Variants in NWD2 observed in about 807,000 individuals in gnomAD.
The protein encoded by NWD2 is NACHT and WD repeat domain containing 2.
In NWD2, 37 loss-of-function variants were observed where a neutral mutation model predicts 132.7. The ratio of observed to expected loss-of-function variants is 0.28; its 90% CI spans 0.21 to 0.37. The LOEUF is 0.37. Among genes scored for constraint, NWD2 ranks in the 10% least tolerant of loss-of-function variants. The pLI is 1.00. For synonymous variants in NWD2, 705 were observed against 803.0 expected (o/e 0.88, Z 2.06); for missense variants, 1,592 against 2,122.4 (o/e 0.75, Z 4.91).
intron 2 of NWD2, among the ~76,000 whole-genome samples, chr4:37,354,718 T>C (rs1353629224): frequency 1.3e-5 from 2 of 152,158 alleles, no homozygotes; most frequent in Non-Finnish European, 1.5e-5. Flanking sequence ...GGAACATCCT[T>C]CCCAAGGGTG....
intron 3 of NWD2, among the ~76,000 whole-genome samples, chr4:37,371,852 A>G (rs1035730462): frequency 6.6e-6 from 1 of 152,236 alleles, no homozygotes; most frequent in Non-Finnish European, 1.5e-5. Flanking sequence ...TGAACTTTAC[A>G]ATGGCAAACT....
intron 3 of NWD2, among the ~76,000 whole-genome samples, chr4:37,397,143 G>A (rs1214156316): frequency 6.6e-6 from 1 of 152,152 alleles, no homozygotes; most frequent in Non-Finnish European, 1.5e-5. Context: ...AGCATCTCAG[G>A]AATAGGGTGG....
At chr4:37,306,838 TGGGGAAACCCTGTCTCTACTA>T in intron 1 of NWD2, among the ~76,000 whole-genome samples, 1 of 152,138 alleles carries the variant, frequency 6.6e-6, no homozygotes, top group East Asian at 1.9e-4. Flanking sequence ...CTAGCTCACA[TGGGGAAACCCTGTCTCTACTA>T]AAAAAATACA....
rs771676203 is a variant in NWD2 at position 37,439,109 on chromosome 4, A to G, written c.1015A>G (p.Ile339Val). The G allele has an allele frequency of 1.9e-6, 3 of 1,551,932 alleles. No homozygotes were observed. The highest frequency in any genetic ancestry group is 2.6e-6 in the Non-Finnish European group (3 of 1,147,024). Reference protein sequence around the residue: ...GYSQEIENHYIEGLGKQFYED... With the variant: ...GYSQEIENHYVEGLGKQFYED... The stretch of plus-strand genomic sequence containing the variant: ...CTCCCAAGAAATAGAAAATCATTAC[A>G]TCGAAGGACTTGGTAAACAATTTTA... Residue 339 changes from isoleucine to valine, a missense_variant, in exon 6 of 7, where the codon ATC (isoleucine) becomes GTC (valine). Around this residue, in one of 7 missense-constraint regions of NWD2, gnomAD observed 1,071 missense variants for 1,398.0 expected, o/e 0.77. Transcript: ENST00000309447. The surrounding 1 kb of genome is among the most constrained non-coding windows in gnomAD (Gnocchi z 4.5).
intron 3 of NWD2, among the ~76,000 whole-genome samples, chr4:37,393,429 T>G (rs1015050418): frequency 6.6e-6 from 1 of 152,194 alleles, no homozygotes; most frequent in African/African-American, 2.4e-5. Context: ...CTATGTGTTG[T>G]CATGAGAAGA....
intron 2 of NWD2, among the ~76,000 whole-genome samples, chr4:37,334,993 A>T (rs1430579842): frequency 6.6e-6 from 1 of 151,624 alleles, no homozygotes; most frequent in Non-Finnish European, 1.5e-5. Flanking sequence ...CATTTCCTTC[A>T]TCTCTGCCTT....
At chr4:37,387,823 C>T (rs529502291) in intron 3 of NWD2, among the ~76,000 whole-genome samples, 6 of 151,876 alleles carry the variant, frequency 4.0e-5, no homozygotes, top group South Asian at 2.1e-4. Flanking sequence ...TACAGGCACC[C>T]GCCATCATGC....
In NWD2 at chr4:37,445,376, G is replaced by A; in HGVS notation, c.3388G>A (p.Gly1130Arg). The A allele has an allele frequency of 6.4e-7, 1 of 1,552,172 alleles. No individual in the cohort carries two copies. The highest frequency in any genetic ancestry group is 1.4e-5 in the African/African-American group (1 of 73,170). ...AACCACCATATTTCATTTAGGGAGTGGAGAAAAGTTATGTACAGTGACATC... is the reference window on the plus strand; with the variant it reads ...AACCACCATATTTCATTTAGGGAGTAGAGAAAAGTTATGTACAGTGACATC... ...NTTTIFHLGS[G>R]EKLCTVTSEF... Residue 1130 changes from glycine (G) to arginine (R), a missense_variant, in exon 7 of 7, where the codon GGA (glycine) becomes AGA (arginine). Gly to Arg is a moderately radical substitution (Grantham distance 125). Around this residue, in one of 7 missense-constraint regions of NWD2, gnomAD observed 1,071 missense variants for 1,398.0 expected, o/e 0.77. Coordinates refer to ENST00000309447, the MANE Select transcript of NWD2 (RefSeq NM_001144990.2). The surrounding 1 kb of genome is among the most constrained non-coding windows in gnomAD (Gnocchi z 4.7).
At chr4:37,393,013 A>G (rs768056715) in intron 3 of NWD2, among the ~76,000 whole-genome samples, 4 of 151,948 alleles carry the variant, frequency 2.6e-5, no homozygotes, top group African/African-American at 4.8e-5. Context: ...TTCCAGCCAC[A>G]CTCAAGTGAA....
chr4:37,357,857 G>A (rs1271093293), intron 3 of NWD2, among the ~76,000 whole-genome samples: 2 of 152,086 alleles, frequency 1.3e-5, no homozygotes, highest in Non-Finnish European at 1.5e-5. Context: ...CACTGATAAG[G>A]TGACTCTGAA....
intron 1 of NWD2, among the ~76,000 whole-genome samples, chr4:37,253,752 T>C (rs1717446712): frequency 6.7e-6 from 1 of 149,054 alleles, no homozygotes; most frequent in Non-Finnish European, 1.5e-5. Context: ...TATAAATAAG[T>C]TGTTTAAAGC....
At chr4:37,403,385 A>G (rs1720934471) in intron 3 of NWD2, among the ~76,000 whole-genome samples, 1 of 152,192 alleles carries the variant, frequency 6.6e-6, no homozygotes, top group Admixed American at 6.5e-5. Context: ...GTGAACATGA[A>G]GGGTCCAGAA....
chr4:37,447,175 G>C lies in NWD2; in HGVS notation c.5187G>C (p.Ser1729=). Residue 1729 remains serine, a synonymous_variant, in exon 7 of 7, where the codon TCG becomes TCC. Coordinates refer to ENST00000309447, the MANE Select transcript of NWD2 (RefSeq NM_001144990.2). ...KHNSCYERVC[S]ALEARGHSYA... ...ACTCTTGTTATGAGCGGGTATGCTC[G>C]GCCCTAGAAGCCAGGGGCCACAGCT... The C allele has an allele frequency of 6.4e-7, 1 of 1,551,182 alleles. No individual in the cohort carries two copies. Among genetic ancestry groups the C allele is most frequent in the Middle Eastern group, 1.7e-4 (1 of 5,990 alleles).
At chr4:37,416,249 T>C (rs557661410) in intron 3 of NWD2, among the ~76,000 whole-genome samples, 7 of 152,348 alleles carry the variant, frequency 4.6e-5, no homozygotes, top group African/African-American at 1.7e-4. Context: ...AAAACAGGAC[T>C]GGAGTCCAGG....
At chr4:37,398,413 A>G (rs1263265346) in intron 3 of NWD2, among the ~76,000 whole-genome samples, 1 of 152,206 alleles carries the variant, frequency 6.6e-6, no homozygotes, top group Non-Finnish European at 1.5e-5. Context: ...GAGCACATGG[A>G]CACAGGGAGG....
chr4:37,391,870 C>G (rs1192553137), intron 3 of NWD2, among the ~76,000 whole-genome samples: 1 of 140,940 alleles, frequency 7.1e-6, no homozygotes, highest in Non-Finnish European at 1.6e-5. Flanking sequence ...TCACTATATT[C>G]TGCACATGTC....
intron 2 of NWD2, among the ~76,000 whole-genome samples, chr4:37,334,969 A>G (rs796783960): frequency 3.9e-5 from 6 of 152,064 alleles, no homozygotes; most frequent in African/African-American, 1.4e-4. Flanking sequence ...TGCCATGGGT[A>G]CCCTGACTAT....
At chr4:37,291,757 T>G (rs1285147853) in intron 1 of NWD2, among the ~76,000 whole-genome samples, 4 of 152,144 alleles carry the variant, frequency 2.6e-5, no homozygotes, top group Non-Finnish European at 5.9e-5. Flanking sequence ...TCAGTGTTTT[T>G]CATATGAGAG....
chr4:37,320,947 C>G (rs1719055744), intron 1 of NWD2, among the ~76,000 whole-genome samples: 2 of 152,184 alleles, frequency 1.3e-5, no homozygotes, highest in East Asian at 1.9e-4. Flanking sequence ...CACATGAGGT[C>G]AGCAGTTCGA....
Sources: allele counts gnomAD v4.1 joint callset (sites outside exome capture counted in the v4.1 genomes callset), GRCh38; gene constraint gnomAD v4.1.1; regional missense constraint gnomAD v4.1.1; non-coding constraint Gnocchi (gnomAD v3.1); transcripts MANE v1.5; gene names NCBI Gene and HGNC (gene_info 2026-07-23, HGNC 2026-07-21).